ZNF394: variants seen among roughly 807,000 people sequenced by gnomAD.
The protein encoded by ZNF394 is zinc finger protein 99.
A neutral mutation model predicts 21.8 loss-of-function variants in ZNF394; 19 were observed. The ratio of observed to expected loss-of-function variants is 0.87; its 90% CI spans 0.61 to 1.28. The LOEUF (loss-of-function observed/expected upper bound fraction) is 1.28, where lower values mean the gene tolerates loss of function less well. ZNF394 is among the 50% of genes most tolerant of loss of function. The pLI is 0.00. For missense variants in ZNF394, 683 were observed against 708.6 expected (o/e 0.96, Z 0.41); for synonymous variants, 294 against 273.3 (o/e 1.08, Z -0.75).
chr7:99,499,557 A>G (rs1800450048), intron 1 of ZNF394, 81 bp downstream of exon 1: 1 of 1,274,832 alleles, frequency 7.8e-7, no homozygotes, highest in South Asian at 1.4e-5. Flanking sequence ...TGTAATAAGG[A>G]AGTAAGTTCC....
At chr7:99,498,932 G>C in intron 1 of ZNF394, 90 bp from the exon 2 acceptor site, 1 of 1,465,078 alleles carries the variant, frequency 6.8e-7, no homozygotes, top group East Asian at 2.4e-5. Context: ...AGGGAGTTTG[G>C]AGAGATCAGA....
Position 99,493,383 on chromosome 7 carries a change from A to G in ZNF394, c.*146T>C, listed in dbSNP as rs1424788563. 6.9e-6 allele frequency: 7 copies of G among 1,012,450 alleles called. No individual in the cohort carries two copies. The highest frequency in any genetic ancestry group is 1.6e-5 in the African/African-American group (1 of 61,436). The allele number at this position is 1,012,450 out of a possible 1,614,324, so 62.7% of individuals were successfully genotyped here. A position where few individuals can be genotyped will look rare whatever the true frequency, so the allele number is the denominator to read the frequency against. On this transcript the variant is annotated 3_prime_UTR_variant, in exon 3 of 3. Transcript: ENST00000337673. ...GTGATTCTCCTACCTCAGCCTCCCG[A>G]ATAGCTGGGCTTACAGGCATGCACC... is the stretch of plus-strand genomic sequence containing the variant.
chr7:99,496,778 C>T (rs1408658091), intron 2 of ZNF394, among the ~76,000 whole-genome samples: 1 of 150,614 alleles, frequency 6.6e-6, no homozygotes, highest in Non-Finnish European at 1.5e-5. Context: ...CGCTATGTTG[C>T]CCAGGCTGGT....
chr7:99,499,768 A>G lies in ZNF394; in HGVS notation c.326T>C (p.Leu109Pro), dbSNP rs1158305677. ...GGGCAGGATGGTGAGGAACTGCTCC[A>G]GCACCAGCAGCTCCAGGATCTGCTC... ...SKEQILELLV[L>P]EQFLTILPEE... The change falls in exon 1 of 3, where the codon CTG becomes CCG. Residue 109 changes from leucine (L) to proline (P), a missense_variant. By Grantham distance (98) the Leu-to-Pro change is moderately conservative (BLOSUM62 -3). Transcript: ENST00000337673. 2 of 1,614,056 alleles carry G rather than the reference A, an allele frequency of 1.2e-6. No homozygotes were observed. The highest frequency in any genetic ancestry group is 1.7e-6 in the Non-Finnish European group (2 of 1,180,044).
rs758721376 is a variant in ZNF394, at chr7:99,498,749, C to T, written c.550G>A (p.Ala184Thr). The T allele has an allele frequency of 1.5e-5, 24 of 1,614,028 alleles. No individual in the cohort carries two copies. In the African/African-American group the frequency reaches 2.9e-4, roughly 20 times the overall value. Residue 184 changes from alanine (A) to threonine (T), a missense_variant, in exon 2 of 3, where the codon GCG becomes ACG. Coordinates refer to ENST00000337673, the MANE Select transcript of ZNF394 (RefSeq NM_032164.4). ...ACTGTGCTCCCGGAATCCTTCTGCG[C>T]ACTCTCTCTGCAGAAGTCCCTCCGT... is the stretch of plus-strand genomic sequence containing the variant. ...PARRDFCRES[A>T]QKDSGSTVPP...
chr7:99,494,992 C>CTATT (rs1451290229), intron 2 of ZNF394, among the ~76,000 whole-genome samples: 1 of 151,902 alleles, frequency 6.6e-6, no homozygotes, highest in African/African-American at 2.4e-5. Flanking sequence ...CTCAGCCTCC[C>CTATT]TATTTATTTA....
intron 1 of ZNF394, chr7:99,487,618 T>C: frequency 7.5e-6 from 8 of 1,073,398 alleles, no homozygotes; most frequent in South Asian, 1.6e-5. Context: ...CATCTTTGTG[T>C]AGCCAATCTG....
In ZNF394 at chr7:99,494,183, G is replaced by T; in HGVS notation, c.1032C>A (p.Ser344Arg). Residue 344 changes from serine to arginine, a missense_variant, in exon 3 of 3, where the codon AGC becomes AGA. By Grantham distance (110) the Ser-to-Arg change is moderately radical. Around this residue, in one of 3 missense-constraint regions of ZNF394, gnomAD observed 274 missense variants for 314.1 expected, o/e 0.87. Transcript: ENST00000337673. ...GGAGCTGCCTCTGGGTCTCAAAAAG[G>T]CTGGAATGATGGAAACTGTCTCCAC... ...SDSGDSFHHS[S>R]LFETQRQLHE... 6.2e-7 allele frequency: 1 copy of T among 1,614,240 alleles called. No homozygotes were observed. The highest frequency in any genetic ancestry group is 8.5e-7 in the Non-Finnish European group (1 of 1,180,046).
chr7:99,499,660 G>T lies in ZNF394; in HGVS notation c.434C>A (p.Ala145Glu). ...AVAVVRALQR[A>E]LDGTSSQGMV... The stretch of plus-strand genomic sequence containing the variant: ...CACCTGGGATGAGGTTCCATCGAGC[G>T]CTCGCTGCAGAGCCCGCACCACGGC... The change falls in exon 1 of 3, where the codon GCG becomes GAG. Residue 145 changes from alanine to glutamate, a missense_variant. By Grantham distance (107) the Ala-to-Glu change is moderately radical. Transcript: ENST00000337673. 6.2e-7 allele frequency: 1 copy of T among 1,600,656 alleles called. No individual in the cohort carries two copies. The highest frequency in any genetic ancestry group is 1.7e-4 in the Middle Eastern group (1 of 6,006).
At chr7:99,497,122 G>GTGTGTATA (rs1322382800) in intron 2 of ZNF394, among the ~76,000 whole-genome samples, 184 of 79,364 alleles carry the variant, frequency 2.3e-3, no homozygotes, top group African/African-American at 6.0e-3. Flanking sequence ...GTGTGTGTGT[G>GTGTGTATA]TATATATATA....
chr7:99,499,557 A>C (rs1800450048), intron 1 of ZNF394, 81 bp downstream of exon 1: 1 of 1,274,950 alleles, frequency 7.8e-7, no homozygotes, highest in Non-Finnish European at 1.1e-6. Flanking sequence ...TGTAATAAGG[A>C]AGTAAGTTCC....
At position 99,500,041 on chromosome 7, in the gene ZNF394, G is replaced by T; in HGVS notation, c.53C>A (p.Pro18His). 2.5e-6 allele frequency: 4 copies of T among 1,596,262 alleles called. No individual in the cohort carries two copies. Among genetic ancestry groups the T allele is most frequent in the Non-Finnish European group, 3.4e-6 (4 of 1,174,578 alleles). ...QRRGSDAELG[P>H]WVMAARSKDA... The stretch of plus-strand genomic sequence containing the variant: ...CTTGGACCTCGCAGCCATCACCCAG[G>T]GTCCCAACTCGGCGTCACTGCCGCG... Residue 18 changes from proline (P) to histidine (H), a missense_variant, in exon 1 of 3, where the codon CCC (proline) becomes CAC (histidine). Pro to His is a moderately conservative substitution (Grantham distance 77). Transcript: ENST00000337673.
At chr7:99,497,593 G>T (rs1251880835) in intron 2 of ZNF394, among the ~76,000 whole-genome samples, 1 of 152,004 alleles carries the variant, frequency 6.6e-6, no homozygotes, top group Non-Finnish European at 1.5e-5. Context: ...GCTAGGTTTG[G>T]TGTCTCACAC....
intron 1 of ZNF394, chr7:99,487,669 C>T: frequency 1.5e-6 from 1 of 665,608 alleles, no homozygotes; most frequent in Non-Finnish European, 2.4e-6. Flanking sequence ...GCTTGGGCAA[C>T]ACAGTGAGAT....
Position 99,496,458 on chromosome 7 carries a change from G to C in ZNF394, c.584-1827C>G, listed in dbSNP as rs533593762. On this transcript the variant is annotated intron_variant, in intron 2 of 2. Transcript: ENST00000337673. Reference sequence around the variant, plus strand: ...CATAGCACAAAGACCAGGAGGCAGCGGGGCCTGGCATATTTTGGAGCAGCA... The same window carrying C: ...CATAGCACAAAGACCAGGAGGCAGCCGGGCCTGGCATATTTTGGAGCAGCA... Among the ~76,000 whole-genome samples the C allele has an allele frequency of 1.5e-3, 224 of 152,266 alleles. 1 individual carries two copies. Among genetic ancestry groups the C allele is most frequent in the Middle Eastern group, 0.01 (3 of 294 alleles).
At position 99,493,557 on chromosome 7, in the gene ZNF394, G is replaced by T; in HGVS notation, c.1658C>A (p.Ser553Ter). The T allele has an allele frequency of 1.2e-6, 2 of 1,611,506 alleles. No individual in the cohort carries two copies. Among genetic ancestry groups the T allele is most frequent in the South Asian group, 1.1e-5 (1 of 90,680 alleles). Residue 553 changes from serine to a stop codon, truncating the protein, a stop_gained, in exon 3 of 3, where the codon TCG becomes TAG. Coordinates refer to ENST00000337673, the MANE Select transcript of ZNF394 (RefSeq NM_032164.4). LOFTEE classifies it high-confidence loss of function. Reference sequence around the variant, plus strand: ...TAGGCGTGAGCCACCACGCCCAGCCGACAGCACTTTATTTTGATGAATTCT... The same window carrying T: ...TAGGCGTGAGCCACCACGCCCAGCCTACAGCACTTTATTTTGATGAATTCT... ...HQRIHQNKVL[S>*]AGRGGSRL
chr7:99,488,593 G>A (rs973202267), downstream of ZNF394, among the ~76,000 whole-genome samples: 1 of 151,738 alleles, frequency 6.6e-6, no homozygotes, highest in African/African-American at 2.4e-5. Context: ...ACAAAACTAA[G>A]GGCTACTCAC....
chr7:99,496,964 T>G (rs949377627), intron 2 of ZNF394, among the ~76,000 whole-genome samples: 8 of 151,174 alleles, frequency 5.3e-5, no homozygotes, highest in Non-Finnish European at 1.2e-4. Context: ...GAGAGCAAGA[T>G]GAACATACAG....
intron 1 of ZNF394, chr7:99,487,601 T>C: frequency 7.7e-7 from 1 of 1,293,382 alleles, no homozygotes; most frequent in Non-Finnish European, 1.1e-6. Context: ...GGTTTTTCTA[T>C]GGGAGCCATC....
Sources: allele counts gnomAD v4.1 joint callset (sites outside exome capture counted in the v4.1 genomes callset), GRCh38; gene constraint gnomAD v4.1.1; regional missense constraint gnomAD v4.1.1; transcripts MANE v1.5; gene names NCBI Gene and HGNC (gene_info 2026-07-23, HGNC 2026-07-21).